Variants in SDE2 observed in about 807,000 individuals in gnomAD.
SDE2 encodes the protein spliceosome associated SDE2.
In SDE2, 31 loss-of-function variants were observed where a neutral mutation model predicts 46.9. That is an observed-to-expected ratio of 0.66 (90% CI 0.50 to 0.89). The LOEUF is 0.89. Ranked by LOEUF, SDE2 falls within the 40% of genes least tolerant of loss-of-function variation. The probability of loss-of-function intolerance (pLI) is 0.00; values close to 1 mark genes in which losing one functional copy is unlikely to be tolerated. For synonymous variants in SDE2, 205 were observed against 204.3 expected, an observed-to-expected ratio of 1.00 and a Z score of -0.03; for missense variants, 542 against 564.4, an observed-to-expected ratio of 0.96 and a Z score of 0.40.
rs888723034 is a variant in SDE2, at chr1:225,985,126, C to G, written c.*176G>C. 12 of 599,698 alleles carry G rather than the reference C, an allele frequency of 2.0e-5. No individual in the cohort carries two copies. The highest frequency in any genetic ancestry group is 3.2e-5 in the Non-Finnish European group (11 of 339,532). 37.1% of individuals were successfully genotyped at this position (599,698 alleles called of 1,614,324 possible). On this transcript the variant is annotated 3_prime_UTR_variant, in exon 7 of 7. Coordinates refer to ENST00000272091, the MANE Select transcript of SDE2 (RefSeq NM_152608.4). Reference sequence around the variant, plus strand: ...AAAACCAGACAAAGAAAATTTAAGGCCCAGATGGTTTCAGACATTAATTCT... The same window carrying G: ...AAAACCAGACAAAGAAAATTTAAGGGCCAGATGGTTTCAGACATTAATTCT...
At chr1:225,986,205 T>A (rs563706061) in intron 6 of SDE2, among the ~76,000 whole-genome samples, 2 of 151,896 alleles carry the variant, frequency 1.3e-5, no homozygotes, top group African/African-American at 4.8e-5. Flanking sequence ...GGTGCGTGCC[T>A]GTAGTCTCAG....
chr1:225,998,694 T>C (rs1656588240), intron 1 of SDE2, among the ~76,000 whole-genome samples: 1 of 152,176 alleles, frequency 6.6e-6, no homozygotes, highest in African/African-American at 2.4e-5. Flanking sequence ...GACACACGTG[T>C]GAATGCTTGG....
At chr1:225,992,712 G>T (rs1330877549) in intron 3 of SDE2, 145 bp from the exon 4 acceptor site, 2 of 665,976 alleles carry the variant, frequency 3.0e-6, no homozygotes, top group Admixed American at 2.8e-5. Flanking sequence ...ACTAGCATAT[G>T]GTACTGAACT....
At chr1:225,998,089 T>C (rs1471141160) in intron 1 of SDE2, among the ~76,000 whole-genome samples, 6 of 151,902 alleles carry the variant, frequency 3.9e-5, no homozygotes, top group Non-Finnish European at 8.8e-5. Flanking sequence ...GATCACGCCA[T>C]TGCACTCCAG....
intron 4 of SDE2, among the ~76,000 whole-genome samples, chr1:225,992,139 A>G (rs1656414482): frequency 6.6e-6 from 1 of 151,868 alleles, no homozygotes; most frequent in Non-Finnish European, 1.5e-5. Flanking sequence ...AGATCACACC[A>G]CTGCACTCCA....
rs1656425367 is a variant in SDE2, at chr1:225,992,514, T to C, written c.404A>G (p.Lys135Arg). Residue 135 changes from lysine to arginine, a missense_variant, in exon 4 of 7, where the codon AAG becomes AGG. By Grantham distance (26) the Lys-to-Arg change is conservative. Transcript: ENST00000272091. The part of the protein sequence containing the change: ...QAEREAEKEQ[K>R]RLERLQRKLV... ...CTTCCGCTGCAGTCGCTCCAGCCGC[T>C]TCTGCTCCTTTTCAGCCTCTCGCTC... is the stretch of plus-strand genomic sequence containing the variant. The C allele has an allele frequency of 1.2e-6, 2 of 1,612,504 alleles. No individual in the cohort carries two copies. The highest frequency in any genetic ancestry group is 2.2e-5 in the East Asian group (1 of 44,882).
chr1:225,987,273 A>G (rs2755090), intron 6 of SDE2, among the ~76,000 whole-genome samples: 152,106 of 152,214 alleles, frequency 1, 76,000 homozygotes, highest in East Asian at 1. Context: ...GGCTGGTGTC[A>G]AGCTCCTGAC....
intron 4 of SDE2, 99 bp downstream of exon 4, chr1:225,992,299 A>G (rs372083288): frequency 1.3e-5 from 10 of 781,962 alleles, no homozygotes; most frequent in East Asian, 5.2e-5. Flanking sequence ...TGTAACCTAA[A>G]AAAAGCTTAA....
At chr1:225,986,206 G>A (rs1442201699) in intron 6 of SDE2, among the ~76,000 whole-genome samples, 2 of 151,768 alleles carry the variant, frequency 1.3e-5, no homozygotes, top group Non-Finnish European at 2.9e-5. Flanking sequence ...GTGCGTGCCT[G>A]TAGTCTCAGC....
At chr1:225,990,026 G>C (rs1448543855) in intron 5 of SDE2, among the ~76,000 whole-genome samples, 5 of 150,370 alleles carry the variant, frequency 3.3e-5, no homozygotes, top group Admixed American at 3.3e-4. Context: ...AGTGAGCCGA[G>C]ATCGCGCCAC....
intron 4 of SDE2, among the ~76,000 whole-genome samples, chr1:225,991,643 G>A (rs887221514): frequency 2.6e-5 from 4 of 152,066 alleles, no homozygotes; most frequent in Non-Finnish European, 5.9e-5. Flanking sequence ...TTATCCCTGC[G>A]TTAGTTATTT....
Position 225,984,402 on chromosome 1 carries a change from A to C in SDE2, c.*900T>G, listed in dbSNP as rs999694014. ...AGATCAATGACCTAAGGCTTATCTT[A>C]AGGAACTAAAGAAAAAAGATCAAAG... On this transcript the variant is annotated 3_prime_UTR_variant, in exon 7 of 7. Transcript: ENST00000272091. 2 of 152,230 alleles carry C rather than the reference A, an allele frequency of 1.3e-5. No homozygotes were observed. Among genetic ancestry groups the C allele is most frequent in the Admixed American group, 6.5e-5 (1 of 15,288 alleles). 9.4% of individuals were successfully genotyped at this position (152,230 alleles called of 1,614,324 possible). A position where few individuals can be genotyped will look rare whatever the true frequency, so the allele number is the denominator to read the frequency against.
chr1:225,992,391 T>C lies in SDE2; in HGVS notation c.520+7A>G, dbSNP rs908826048. 2.0e-5 allele frequency: 32 copies of C among 1,610,984 alleles called. No homozygotes were observed. The highest frequency in any genetic ancestry group is 2.5e-5 in the Non-Finnish European group (30 of 1,178,074). On this transcript the variant is annotated splice_region_variant and intron_variant, in intron 4 of 6. Transcript: ENST00000272091. ...AGCTGAACACACTAAGGAATCCTCA[T>C]TCTCACCTTTGAGGACGGAATCCTC...
chr1:225,985,059 C>T lies in SDE2; in HGVS notation c.*243G>A. On this transcript the variant is annotated 3_prime_UTR_variant, in exon 7 of 7. Transcript: ENST00000272091. ...TACCTAAATGACACCAAGATCAAAC[C>T]AAAAAATGTGAATAGCCCTATATTT... The T allele has an allele frequency of 2.1e-6, 1 of 465,640 alleles. No individual in the cohort carries two copies. Among genetic ancestry groups the T allele is most frequent in the Non-Finnish European group, 3.8e-6 (1 of 262,600 alleles). The allele number at this position is 465,640 out of a possible 1,614,324, so 28.8% of individuals were successfully genotyped here. A position where few individuals can be genotyped will look rare whatever the true frequency, so the allele number is the denominator to read the frequency against.
At position 225,999,337 on chromosome 1, in the gene SDE2, CCTCT is replaced by C; in HGVS notation, c.-29_-26del. The C allele has an allele frequency of 6.2e-7, 1 of 1,604,064 alleles. No individual in the cohort carries two copies. The highest frequency in any genetic ancestry group is 2.2e-5 in the East Asian group (1 of 44,454). On this transcript the variant is annotated 5_prime_UTR_variant, in exon 1 of 7. Transcript: ENST00000272091. ...TGTCACCGACTACCCGAACCTCAAG[CCTCT>C]CTGAGACACCAGGCGCCGCAACTCG...
chr1:225,987,195 C>A (rs1656287679), intron 6 of SDE2, among the ~76,000 whole-genome samples: 1 of 152,154 alleles, frequency 6.6e-6, no homozygotes, highest in African/African-American at 2.4e-5. Context: ...AGGCGTGCAC[C>A]ACCATGCCCG....
chr1:225,988,518 C>T, intron 5 of SDE2, 130 bp from the exon 6 acceptor site: 1 of 847,100 alleles, frequency 1.2e-6, no homozygotes, highest in Non-Finnish European at 1.8e-6. Context: ...ATCACGAAGT[C>T]AGTAGTTTGA....
rs200698120 is a variant in SDE2, at chr1:225,999,246, C to A, written c.67G>T (p.Ala23Ser). The A allele has an allele frequency of 4.8e-5, 77 of 1,613,308 alleles. No homozygotes were observed. The highest frequency in any genetic ancestry group is 8.3e-5 in the Admixed American group (5 of 59,936). Residue 23 changes from alanine (A) to serine (S), a missense_variant, in exon 1 of 7, where the codon GCC becomes TCC. Physicochemically the swap from Ala to Ser is moderately conservative, Grantham distance 99. Around this residue, in one of 3 missense-constraint regions of SDE2, gnomAD observed 135 missense variants for 106.5 expected, o/e 1.27. Transcript: ENST00000272091. ...PGFGCKAVRC[A>S]SGRCTVRDFI... ...TCCCGGACGGTGCACCGACCCGAGG[C>A]ACACCGCACCGCCTTGCACCCGAAG...
Position 225,983,493 on chromosome 1 carries a change from C to T in SDE2, c.*1809G>A, listed in dbSNP as rs1361549171. On this transcript the variant is annotated 3_prime_UTR_variant, in exon 7 of 7. Coordinates refer to ENST00000272091, the MANE Select transcript of SDE2 (RefSeq NM_152608.4). ...ACATAGAAGATCTGAACAATACTAT[C>T]AACCACTTAATCTCATCGATATTAC... The T allele has an allele frequency of 2.0e-5, 3 of 152,186 alleles. No homozygotes were observed. Among genetic ancestry groups the T allele is most frequent in the Non-Finnish European group, 4.4e-5 (3 of 68,032 alleles). The allele number at this position is 152,186 out of a possible 1,614,324, so 9.4% of individuals were successfully genotyped here.
Sources: gnomAD v4.1 joint callset for allele counts (sites outside exome capture counted in the v4.1 genomes callset) on GRCh38, gnomAD v4.1.1 for gene constraint, gnomAD v4.1.1 regional missense constraint, MANE v1.5 for transcripts, NCBI Gene and HGNC (gene_info 2026-07-23, HGNC 2026-07-21) for gene names.